Variants in BTBD16 observed in about 807,000 individuals in gnomAD.
BTBD16 encodes BTB/POZ domain-containing protein 16.
BTBD16 carries 66 observed loss-of-function variants against 67.4 expected under a neutral mutation model. The ratio of observed to expected loss-of-function variants is 0.98; its 90% CI spans 0.80 to 1.20. The LOEUF (loss-of-function observed/expected upper bound fraction) is 1.20. Ranked by LOEUF, BTBD16 falls within the 50% of genes most tolerant of loss-of-function variation. The pLI, the probability that BTBD16 is intolerant of heterozygous loss-of-function variation, is 0.00. For synonymous variants in BTBD16, 242 were observed against 236.4 expected (o/e 1.02, Z -0.22); for missense variants, 634 against 616.0 (o/e 1.03, Z -0.31).
intron 5 of BTBD16, among the ~76,000 whole-genome samples, chr10:122,286,929 T>C (rs1167896157): frequency 1.3e-5 from 2 of 152,138 alleles, no homozygotes; most frequent in African/African-American, 4.8e-5. Context: ...CATAAGCAGG[T>C]GCCACGGAAA....
chr10:122,271,938 G>T (rs2061740425), intron 1 of BTBD16, among the ~76,000 whole-genome samples: 1 of 152,136 alleles, frequency 6.6e-6, no homozygotes. Flanking sequence ...AGTCCCGTGT[G>T]GGGTTTATTC....
At chr10:122,317,213 T>G (rs898107378) in intron 10 of BTBD16, among the ~76,000 whole-genome samples, 4 of 152,242 alleles carry the variant, frequency 2.6e-5, no homozygotes, top group Admixed American at 2.6e-4. Context: ...AAAACTTGAC[T>G]TTTTCATAAC....
intron 3 of BTBD16, among the ~76,000 whole-genome samples, chr10:122,278,978 T>G (rs1340227214): frequency 6.6e-6 from 1 of 152,146 alleles, no homozygotes; most frequent in African/African-American, 2.4e-5. Context: ...CTTTCAAATC[T>G]TCCACCATTT....
intron 7 of BTBD16, 39 bp downstream of exon 7, chr10:122,291,233 G>T: frequency 6.3e-7 from 1 of 1,586,024 alleles, no homozygotes; most frequent in South Asian, 1.2e-5. Flanking sequence ...GGCCGGGCCT[G>T]GGGGAAATCG....
intron 13 of BTBD16, 97 bp downstream of exon 13, chr10:122,332,610 T>C (rs1418639126): frequency 2.3e-6 from 3 of 1,311,638 alleles, no homozygotes; most frequent in Non-Finnish European, 3.2e-6. Context: ...TGGCTCCTGG[T>C]AGGAAGGTCA....
chr10:122,299,177 GGA>G (rs748407330), intron 9 of BTBD16, 43 bp downstream of exon 9: 1 of 1,605,118 alleles, frequency 6.2e-7, no homozygotes, highest in Non-Finnish European at 8.5e-7. Flanking sequence ...GAGGGGGATG[GGA>G]GAAAGTAGGG....
intron 13 of BTBD16, among the ~76,000 whole-genome samples, chr10:122,334,531 G>A (rs1403692928): frequency 1.1e-5 from 1 of 89,712 alleles, no homozygotes; most frequent in African/African-American, 4.7e-5. Flanking sequence ...TTTTGAGATA[G>A]AGTCTTACTC....
intron 5 of BTBD16, among the ~76,000 whole-genome samples, chr10:122,289,455 T>C (rs1399597194): frequency 6.6e-6 from 1 of 152,160 alleles, no homozygotes; most frequent in Non-Finnish European, 1.5e-5. Flanking sequence ...AATGCGTCTA[T>C]AGGCCGGGCG....
At chr10:122,276,499 A>T (rs959667449) in intron 2 of BTBD16, among the ~76,000 whole-genome samples, 1 of 152,204 alleles carries the variant, frequency 6.6e-6, no homozygotes, top group Non-Finnish European at 1.5e-5. Context: ...CTGCCTGTGG[A>T]TTCTTCAGAG....
At position 122,327,491 on chromosome 10, in the gene BTBD16, A is replaced by G. The variant is rs948816755; in HGVS notation, c.912-1989A>G. The G allele has an allele frequency of 4.8e-6, 3 of 618,792 alleles. No individual in the cohort carries two copies. The African/African-American group carries it at 6.1e-5, about 13-fold the overall frequency. The allele number at this position is 618,792 out of a possible 1,614,324, so 38.3% of individuals were successfully genotyped here. ...CCTGTGGCTACTGCTCCCACTTGAC[A>G]GAGGAGAGTGAAGCTCTGAGAGGCC... On this transcript the variant is annotated intron_variant, in intron 10 of 15. Transcript: ENST00000260723.
At chr10:122,277,005 G>T in intron 3 of BTBD16, 66 bp downstream of exon 3, 1 of 1,560,210 alleles carries the variant, frequency 6.4e-7, no homozygotes, top group Non-Finnish European at 8.7e-7. Flanking sequence ...GGTGCCTGAT[G>T]ACCGGGCCAC....
intron 10 of BTBD16, among the ~76,000 whole-genome samples, chr10:122,311,575 C>T (rs919742557): frequency 6.6e-6 from 1 of 152,212 alleles, no homozygotes; most frequent in Non-Finnish European, 1.5e-5. Flanking sequence ...CTGAGAAGTT[C>T]AGGAAAGCTG....
At chr10:122,285,989 C>A in intron 4 of BTBD16, 116 bp from the exon 5 acceptor site, 1 of 1,047,092 alleles carries the variant, frequency 9.6e-7, no homozygotes, top group Non-Finnish European at 1.4e-6. Context: ...AGGCTGCTTG[C>A]CTGCTTCATG....
At position 122,286,245 on chromosome 10, in the gene BTBD16, C is replaced by T. The variant is rs751310118; in HGVS notation, c.382C>T (p.Arg128Ter). Residue 128 changes from arginine to a stop codon, truncating the protein, a stop_gained, in exon 5 of 16, where the codon CGA becomes TGA. Coordinates refer to ENST00000260723, the MANE Select transcript of BTBD16 (RefSeq NM_144587.5). LOFTEE classifies it high-confidence loss of function. Reference sequence around the variant, plus strand: ...CCTGAGGGAGCTGGAGGAGCTTCTGCGAGGTACTTCCTCCCTGGCACCCAG... The same window carrying T: ...CCTGAGGGAGCTGGAGGAGCTTCTGTGAGGTACTTCCTCCCTGGCACCCAG... ...HPLRELEELL[R>*]AQSPKKTKEK... 35 of 1,605,336 alleles carry T rather than the reference C, an allele frequency of 2.2e-5. No homozygotes were observed. Among genetic ancestry groups the T allele is most frequent in the East Asian group, 2.0e-4 (9 of 44,736 alleles).
At chr10:122,323,323 G>A (rs2096438695) in intron 10 of BTBD16, among the ~76,000 whole-genome samples, 1 of 152,170 alleles carries the variant, frequency 6.6e-6, no homozygotes, top group South Asian at 2.1e-4. Flanking sequence ...TCCAGCCTTA[G>A]GCATTACGGT....
intron 7 of BTBD16, among the ~76,000 whole-genome samples, chr10:122,295,026 A>G (rs1036609027): frequency 2.6e-5 from 4 of 152,240 alleles, no homozygotes; most frequent in Non-Finnish European, 5.9e-5. Flanking sequence ...CGGTGAGGCC[A>G]TGAGCTCCAG....
intron 9 of BTBD16, among the ~76,000 whole-genome samples, chr10:122,305,687 A>G (rs774523172): frequency 1.2e-4 from 19 of 152,198 alleles, no homozygotes; most frequent in Non-Finnish European, 2.4e-4. Context: ...TAGCAATTCA[A>G]CAACAGAACA....
Position 122,334,828 on chromosome 10 carries a change from G to T in BTBD16, c.1165-53G>T. On this transcript the variant is annotated intron_variant, in intron 13 of 15. Transcript: ENST00000260723. The stretch of plus-strand genomic sequence containing the variant: ...TGAACCACCACGCCCGGGTGACTTT[G>T]AATACTAAATATTTTCCCCCCTTCA... 5 of 1,165,174 alleles carry T rather than the reference G, an allele frequency of 4.3e-6. No homozygotes were observed. The South Asian group carries it at 6.2e-5, about 15-fold the overall frequency. The allele number at this position is 1,165,174 out of a possible 1,614,324, so 72.2% of individuals were successfully genotyped here. A position where few individuals can be genotyped will look rare whatever the true frequency, so the allele number is the denominator to read the frequency against.
intron 6 of BTBD16, among the ~76,000 whole-genome samples, chr10:122,290,224 T>C (rs555664095): frequency 6.6e-6 from 1 of 152,256 alleles, no homozygotes; most frequent in Non-Finnish European, 1.5e-5. Flanking sequence ...GTTCTTGTCA[T>C]TGAGAAAGGG....
Sources: gnomAD v4.1 joint callset for allele counts (sites outside exome capture counted in the v4.1 genomes callset) on GRCh38, gnomAD v4.1.1 for gene constraint, MANE v1.5 for transcripts, NCBI Gene and HGNC (gene_info 2026-07-23, HGNC 2026-07-21) for gene names.